Variants in NCKAP5 observed in about 807,000 individuals in gnomAD.
NCKAP5 encodes the protein nck-associated protein 5.
In NCKAP5, 92 loss-of-function variants were observed where a neutral mutation model predicts 167.0. The ratio of observed to expected loss-of-function variants is 0.55; its 90% CI spans 0.47 to 0.66. The LOEUF (loss-of-function observed/expected upper bound fraction) is 0.66, where lower values mean the gene tolerates loss of function less well. NCKAP5 is among the 30% of genes least tolerant of loss of function. The probability of loss-of-function intolerance (pLI) is 0.00; values close to 1 mark genes in which losing one functional copy is unlikely to be tolerated. For missense variants in NCKAP5, 2,378 were observed against 2,315.0 expected (o/e 1.03, Z -0.56); for synonymous variants, 891 against 877.4 (o/e 1.02, Z -0.27).
intron 6 of NCKAP5, among the ~76,000 whole-genome samples, chr2:133,008,292 G>A (rs147542133): frequency 5.9e-5 from 9 of 151,988 alleles, no homozygotes; most frequent in Admixed American, 2.6e-4. Context: ...CAAATTGATC[G>A]CCAGCCTACA....
rs139786687 is a variant in NCKAP5, at chr2:133,161,425, G to A, written c.208-31314C>T. 4.7e-3 allele frequency among the ~76,000 whole-genome samples: 717 copies of A among 152,220 alleles called. 3 individuals are homozygous for A. The highest frequency in any genetic ancestry group is 0.01 in the Middle Eastern group (3 of 294). On this transcript the variant is annotated intron_variant, in intron 5 of 19. Coordinates refer to ENST00000409261, the MANE Select transcript of NCKAP5 (RefSeq NM_207363.3). ...CAGATGTTACACACCTAAAAACAAC[G>A]CATTCAAGGCTAAATTTAGACTTTG...
At chr2:132,947,650 C>T (rs1242410745) in intron 8 of NCKAP5, among the ~76,000 whole-genome samples, 3 of 152,090 alleles carry the variant, frequency 2.0e-5, no homozygotes, top group African/African-American at 4.8e-5. Context: ...TTCAACCCAG[C>T]GAGCTCTGTC....
intron 15 of NCKAP5, among the ~76,000 whole-genome samples, chr2:132,776,482 G>A (rs989936494): frequency 6.6e-6 from 1 of 152,172 alleles, no homozygotes; most frequent in African/African-American, 2.4e-5. Context: ...CTTATGAGAA[G>A]AACTGAGATG....
chr2:132,697,498 G>C (rs1405385085), intron 19 of NCKAP5, among the ~76,000 whole-genome samples: 1 of 152,158 alleles, frequency 6.6e-6, no homozygotes, highest in African/African-American at 2.4e-5. Context: ...AGAAATGAAA[G>C]TAACTTGGGG....
intron 4 of NCKAP5, among the ~76,000 whole-genome samples, chr2:133,236,512 G>A (rs1020573427): frequency 6.6e-6 from 1 of 152,146 alleles, no homozygotes; most frequent in African/African-American, 2.4e-5. Context: ...GTTCTCTTAG[G>A]TGTCTGACAA....
intron 6 of NCKAP5, among the ~76,000 whole-genome samples, chr2:133,126,941 T>C (rs1315051327): frequency 6.6e-6 from 1 of 152,176 alleles, no homozygotes; most frequent in Non-Finnish European, 1.5e-5. Context: ...CCACATTCTT[T>C]GAGAAAGTGG....
intron 17 of NCKAP5, among the ~76,000 whole-genome samples, chr2:132,731,127 T>C (rs1690963193): frequency 6.6e-6 from 1 of 152,202 alleles, no homozygotes; most frequent in South Asian, 2.1e-4. Flanking sequence ...GCAATACACA[T>C]TTTTAATCGT....
chr2:133,649,121 C>T, the NCKAP5 span, among the ~76,000 whole-genome samples: 1 of 151,374 alleles, frequency 6.6e-6, no homozygotes, highest in Non-Finnish European at 1.5e-5. Flanking sequence ...TATATGCCAA[C>T]AAACTGGATA....
chr2:132,889,783 G>A (rs1252296058), intron 8 of NCKAP5, among the ~76,000 whole-genome samples: 2 of 152,178 alleles, frequency 1.3e-5, no homozygotes, highest in Admixed American at 6.5e-5. Context: ...AGCAAATAAT[G>A]TCAGACACTA....
intron 4 of NCKAP5, among the ~76,000 whole-genome samples, chr2:133,229,096 T>A (rs1376852764): frequency 6.6e-6 from 1 of 152,250 alleles, no homozygotes; most frequent in African/African-American, 2.4e-5. Context: ...TGTAACCACC[T>A]AGGACACTCT....
intron 11 of NCKAP5, among the ~76,000 whole-genome samples, chr2:132,804,813 T>G (rs1298097758): frequency 6.6e-6 from 1 of 152,062 alleles, no homozygotes; most frequent in Non-Finnish European, 1.5e-5. Flanking sequence ...GGAAGGCATC[T>G]GAAGTCACAA....
At chr2:133,336,067 G>A (rs2150745119) in intron 3 of NCKAP5, among the ~76,000 whole-genome samples, 1 of 152,004 alleles carries the variant, frequency 6.6e-6, no homozygotes, top group South Asian at 2.1e-4. Flanking sequence ...AAGAGGTGTG[G>A]GCCTTCAATC....
upstream of NCKAP5, among the ~76,000 whole-genome samples, chr2:133,572,181 C>T (rs1688891739): frequency 6.6e-6 from 1 of 152,190 alleles, no homozygotes. Context: ...AGCCCTGGAT[C>T]CCTCTGAGGA....
intron 8 of NCKAP5, among the ~76,000 whole-genome samples, chr2:132,902,853 T>C (rs1021804864): frequency 1.3e-5 from 2 of 152,142 alleles, no homozygotes; most frequent in Non-Finnish European, 1.5e-5. Context: ...ATTACTGACT[T>C]CCTATGTAGT....
chr2:132,773,783 C>T, intron 16 of NCKAP5, 33 bp downstream of exon 16: 1 of 1,511,236 alleles, frequency 6.6e-7, no homozygotes. Flanking sequence ...GAATAAGTCT[C>T]CATAAAAGAC....
chr2:133,362,166 T>C (rs939589042), intron 3 of NCKAP5, among the ~76,000 whole-genome samples: 8 of 152,216 alleles, frequency 5.3e-5, no homozygotes, highest in Non-Finnish European at 1.2e-4. Context: ...GTAATGCTAA[T>C]AGAAGCCAGA....
intron 19 of NCKAP5, among the ~76,000 whole-genome samples, chr2:132,720,679 C>T (rs967649811): frequency 6.6e-6 from 1 of 152,138 alleles, no homozygotes; most frequent in Non-Finnish European, 1.5e-5. Context: ...GGAGGACCGA[C>T]TGCCACTATC....
chr2:133,380,043 A>C (rs566969859), intron 3 of NCKAP5, among the ~76,000 whole-genome samples: 35 of 152,310 alleles, frequency 2.3e-4, no homozygotes, highest in African/African-American at 8.4e-4. Flanking sequence ...GCCCCTTTGA[A>C]TCTCATCCTG....
At chr2:132,917,384 A>T (rs1694968095) in intron 8 of NCKAP5, among the ~76,000 whole-genome samples, 1 of 152,238 alleles carries the variant, frequency 6.6e-6, no homozygotes, top group Admixed American at 6.5e-5. Context: ...TTCTGATGTT[A>T]TACAGAAGAG....
Sources: gnomAD v4.1 joint callset for allele counts (sites outside exome capture counted in the v4.1 genomes callset) on GRCh38, gnomAD v4.1.1 for gene constraint, MANE v1.5 for transcripts, NCBI Gene and HGNC (gene_info 2026-07-23, HGNC 2026-07-21) for gene names.